The following CCDC187 variants were observed in gnomAD, a reference collection of about 807,000 sequenced individuals.
The protein encoded by CCDC187 is coiled-coil domain containing 187, also known as coiled-coil domain-containing protein 187.
Under a neutral mutation model 38.0 loss-of-function variants are expected in CCDC187, and 32 were observed. That is an observed-to-expected ratio of 0.84 (90% CI 0.64 to 1.13). The LOEUF is 1.13. Among genes scored for constraint, CCDC187 ranks in the 50% most tolerant of loss-of-function variants. CCDC187 has a pLI of 0.00. For synonymous variants in CCDC187, 333 were observed against 347.9 expected, an observed-to-expected ratio of 0.96 and a Z score of 0.48; for missense variants, 707 against 786.8, an observed-to-expected ratio of 0.90 and a Z score of 1.21.
In CCDC187 at chr9:136,255,092, T is replaced by G. The variant is rs571283264; in HGVS notation, c.4736A>C (p.His1579Pro). The G allele has an allele frequency of 2.0e-6, 2 of 985,470 alleles. No individual in the cohort carries two copies. Among genetic ancestry groups the G allele is most frequent in the East Asian group, 2.3e-4 (2 of 8,808 alleles). 61.0% of individuals were successfully genotyped at this position (985,470 alleles called of 1,614,324 possible). A position where few individuals can be genotyped will look rare whatever the true frequency, so the allele number is the denominator to read the frequency against. ...VPEEAAPPIL[H>P]QGSPLLPTTS... ...GGTGGGGAGAAGGGGACTGCCCTGG[T>G]GCAGGATTGGGGGCGCCGCCTCCTC... The change falls in exon 26 of 26, where the codon CAC (histidine) becomes CCC (proline). Residue 1579 changes from histidine (H) to proline (P), a missense_variant. Transcript: ENST00000638797.
intron 6 of CCDC187, 58 bp from the exon 7 acceptor site, chr9:136,290,111 T>A: frequency 2.5e-6 from 1 of 398,474 alleles, no homozygotes; most frequent in Non-Finnish European, 4.4e-6. Flanking sequence ...CACGCCCCGT[T>A]CTCTCAGCCT....
Position 136,254,346 on chromosome 9 carries a change from C to T in CCDC187, c.5482G>A (p.Gly1828Ser), listed in dbSNP as rs375191079. 1.2e-4 allele frequency: 119 copies of T among 983,758 alleles called. No homozygotes were observed. Among genetic ancestry groups the T allele is most frequent in the Middle Eastern group, 5.2e-4 (1 of 1,930 alleles). 60.9% of individuals were successfully genotyped at this position (983,758 alleles called of 1,614,324 possible). A position where few individuals can be genotyped will look rare whatever the true frequency, so the allele number is the denominator to read the frequency against. The change falls in exon 26 of 26, where the codon GGC becomes AGC. Residue 1828 changes from glycine to serine, a missense_variant. Transcript: ENST00000638797. ...GGAAGAGCCACCTGGGGCTCCATGC[C>T]GCTTCTGACACCCCCTTTCAGGCTC... ...SESLKGGVRS[G>S]MEPQVALPSP...
At chr9:136,261,624 G>A (rs1167301625) in intron 19 of CCDC187, among the ~76,000 whole-genome samples, 1 of 152,220 alleles carries the variant, frequency 6.6e-6, no homozygotes, top group Non-Finnish European at 1.5e-5. Context: ...TTATTTGAAA[G>A]CTTCAGGAGG....
intron 14 of CCDC187, among the ~76,000 whole-genome samples, chr9:136,272,192 G>C (rs1564312646): frequency 1.3e-5 from 2 of 152,288 alleles, no homozygotes; most frequent in South Asian, 2.1e-4. Context: ...AGAAGGAAAA[G>C]GATGCGGGTT....
Position 136,256,306 on chromosome 9 carries a change from G to GCTGT in CCDC187, c.4517_4520dup (p.Ser1507ArgfsTer16), listed in dbSNP as rs1554760301. The GCTGT allele has an allele frequency of 1.0e-6, 1 of 985,348 alleles. No homozygotes were observed. Among genetic ancestry groups the GCTGT allele is most frequent in the African/African-American group, 1.7e-5 (1 of 57,232 alleles). The allele number at this position is 985,348 out of a possible 1,614,324, so 61.0% of individuals were successfully genotyped here. A position where few individuals can be genotyped will look rare whatever the true frequency, so the allele number is the denominator to read the frequency against. ...CCGATTCCAAGCCCTCTTCGCTCAT[G>GCTGT]CTGTCCTCAGCCACCTGCTGGAGAG... is the stretch of plus-strand genomic sequence containing the variant. On this transcript the variant is annotated frameshift_variant, in exon 24 of 26. Coordinates refer to ENST00000638797, the MANE Select transcript of CCDC187 (RefSeq NM_001378188.1). LOFTEE classifies it high-confidence loss of function.
rs1830626729 is a variant in CCDC187, at chr9:136,257,402, T to C, written c.4367-561A>G. Among the ~76,000 whole-genome samples, 1 of 148,554 alleles carries C rather than the reference T, an allele frequency of 6.7e-6. No individual in the cohort carries two copies. Among genetic ancestry groups the C allele is most frequent in the South Asian group, 2.1e-4 (1 of 4,724 alleles). On this transcript the variant is annotated intron_variant, in intron 22 of 25. Transcript: ENST00000638797. The surrounding 1 kb of genome is among the most constrained non-coding windows in gnomAD (Gnocchi z 4.5). Reference sequence around the variant, plus strand: ...ATAATAATAATAATAATAATAATAATAATAATTTAGAGGCCTCTTTCCCTC... The same window carrying C: ...ATAATAATAATAATAATAATAATAACAATAATTTAGAGGCCTCTTTCCCTC...
chr9:136,295,610 A>G (rs1357975777), intron 4 of CCDC187, among the ~76,000 whole-genome samples: 5 of 152,234 alleles, frequency 3.3e-5, no homozygotes, highest in African/African-American at 4.8e-5. Flanking sequence ...TGTTAACTAC[A>G]GCAAATTTCT....
At chr9:136,301,145 T>C (rs2131364265) in intron 2 of CCDC187, among the ~76,000 whole-genome samples, 1 of 152,342 alleles carries the variant, frequency 6.6e-6, no homozygotes, top group South Asian at 2.1e-4. Flanking sequence ...ATTCAACTCC[T>C]GTTCTTGCAA....
At chr9:136,279,396 C>T (rs1361373724) in intron 10 of CCDC187, among the ~76,000 whole-genome samples, 1 of 152,218 alleles carries the variant, frequency 6.6e-6, no homozygotes, top group Non-Finnish European at 1.5e-5. Context: ...ACCCAACAGA[C>T]TCCTGTTGCC....
chr9:136,302,982 A>C lies in CCDC187; in HGVS notation c.455T>G (p.Leu152Arg). The change falls in exon 2 of 26, where the codon CTG (leucine) becomes CGG (arginine). Residue 152 changes from leucine to arginine, a missense_variant. Physicochemically the swap from Leu to Arg is moderately radical, Grantham distance 102. Coordinates refer to ENST00000638797, the MANE Select transcript of CCDC187 (RefSeq NM_001378188.1). ...QQRPRKSDARLEQLRDKIRAQ... is the reference protein window; with the variant it reads ...QQRPRKSDARREQLRDKIRAQ... ...CCGGATCTTGTCTCTCAGCTGCTCCAGCCGCGCGTCACTCTTTCTGGGCCT... is the reference window on the plus strand; with the variant it reads ...CCGGATCTTGTCTCTCAGCTGCTCCCGCCGCGCGTCACTCTTTCTGGGCCT... 5.0e-6 allele frequency: 2 copies of C among 398,704 alleles called. No individual in the cohort carries two copies. Among genetic ancestry groups the C allele is most frequent in the South Asian group, 2.5e-4 (2 of 7,866 alleles). 24.7% of individuals were successfully genotyped at this position (398,704 alleles called of 1,614,324 possible). A position where few individuals can be genotyped will look rare whatever the true frequency, so the allele number is the denominator to read the frequency against.
At chr9:136,259,037 C>A in intron 21 of CCDC187, 36 bp from the exon 22 acceptor site, 2 of 986,066 alleles carry the variant, frequency 2.0e-6, no homozygotes, top group Non-Finnish European at 2.4e-6. Context: ...TGGCACAGGG[C>A]CCTGAAGGGA....
At chr9:136,260,651 C>A (rs62579899) in intron 19 of CCDC187, among the ~76,000 whole-genome samples, 17,852 of 152,056 alleles carry the variant, frequency 0.12, 1,279 homozygotes, top group Admixed American at 0.2. Flanking sequence ...GTCTCAGGTG[C>A]CTGCCCGGCG....
chr9:136,277,793 T>C lies in CCDC187; in HGVS notation c.3041-1066A>G, dbSNP rs1034475727. On this transcript the variant is annotated intron_variant, in intron 10 of 25. Coordinates refer to ENST00000638797, the MANE Select transcript of CCDC187 (RefSeq NM_001378188.1). ...TCTGCAGATGGTGGGGCCCTCGTGA[T>C]GGCTTGTGGATGAGCGCCTTGGTCA... Among the ~76,000 whole-genome samples the C allele has an allele frequency of 6.6e-4, 101 of 152,262 alleles. No individual in the cohort carries two copies. The Middle Eastern group carries it at 0.014, about 21-fold the overall frequency.
At chr9:136,298,356 C>A (rs1169943409) in intron 3 of CCDC187, among the ~76,000 whole-genome samples, 1 of 152,200 alleles carries the variant, frequency 6.6e-6, no homozygotes, top group East Asian at 1.9e-4. Flanking sequence ...GAGTGGACCC[C>A]TCTGCCGATG....
rs1830940102 is a variant in CCDC187, at chr9:136,276,739, T to C, written c.3041-12A>G. ...GTCCTCCTGCTGACCTGTGGAACCA[T>C]GGAGGGGGATAGCTGAGTGGCCCAG... On this transcript the variant is annotated splice_polypyrimidine_tract_variant and intron_variant, in intron 10 of 25. Coordinates refer to ENST00000638797, the MANE Select transcript of CCDC187 (RefSeq NM_001378188.1). 5.3e-5 allele frequency: 8 copies of C among 152,296 alleles called. No individual in the cohort carries two copies. The highest frequency in any genetic ancestry group is 5.2e-4 in the Admixed American group (8 of 15,298). The allele number at this position is 152,296 out of a possible 1,614,324, so 9.4% of individuals were successfully genotyped here. A position where few individuals can be genotyped will look rare whatever the true frequency, so the allele number is the denominator to read the frequency against.
At chr9:136,278,932 G>A (rs1289319113) in intron 10 of CCDC187, among the ~76,000 whole-genome samples, 1 of 152,258 alleles carries the variant, frequency 6.6e-6, no homozygotes, top group African/African-American at 2.4e-5. Flanking sequence ...CATTGCAGAA[G>A]GTTCTGGTGG....
Position 136,291,432 on chromosome 9 carries a change from C to A in CCDC187, c.1181G>T (p.Gly394Val). The A allele has an allele frequency of 2.5e-6, 1 of 398,926 alleles. No individual in the cohort carries two copies. The highest frequency in any genetic ancestry group is 4.4e-6 in the Non-Finnish European group (1 of 226,262). 24.7% of individuals were successfully genotyped at this position (398,926 alleles called of 1,614,324 possible). A position where few individuals can be genotyped will look rare whatever the true frequency, so the allele number is the denominator to read the frequency against. Reference sequence around the variant, plus strand: ...CTTTGATGGCCCGAGCTCTTGCCCTCCCTTGCGGGCCTGGGCCAGCTCCAG... The same window carrying A: ...CTTTGATGGCCCGAGCTCTTGCCCTACCTTGCGGGCCTGGGCCAGCTCCAG... Reference protein sequence around the residue: ...AGLELAQARKGGQELGPSKRR... With the variant: ...AGLELAQARKVGQELGPSKRR... Residue 394 changes from glycine to valine, a missense_variant, in exon 6 of 26, where the codon GGA becomes GTA. Coordinates refer to ENST00000638797, the MANE Select transcript of CCDC187 (RefSeq NM_001378188.1).
intron 18 of CCDC187, among the ~76,000 whole-genome samples, chr9:136,262,685 T>C (rs117200935): frequency 1.1e-3 from 163 of 152,290 alleles, no homozygotes; most frequent in South Asian, 2.5e-3. Context: ...GAGGAGTTTT[T>C]CCCAAGGCTG....
At chr9:136,289,239 G>A (rs1025115796) in intron 7 of CCDC187, among the ~76,000 whole-genome samples, 28 of 152,120 alleles carry the variant, frequency 1.8e-4, no homozygotes, top group African/African-American at 6.3e-4. Flanking sequence ...AAATCCGGGC[G>A]GGGCGCGGTG....
Sources: gnomAD v4.1 joint callset for allele counts (sites outside exome capture counted in the v4.1 genomes callset) on GRCh38, gnomAD v4.1.1 for gene constraint, Gnocchi (gnomAD v3.1) non-coding constraint, MANE v1.5 for transcripts, NCBI Gene and HGNC (gene_info 2026-07-23, HGNC 2026-07-21) for gene names.